ATF7IP2: variants seen among roughly 807,000 people sequenced by gnomAD.
The protein encoded by ATF7IP2 is activating transcription factor 7 interacting protein 2.
Under a neutral mutation model 64.2 loss-of-function variants are expected in ATF7IP2, and 42 were observed. That is an observed-to-expected ratio of 0.65 (90% CI 0.51 to 0.85). ATF7IP2 has a LOEUF of 0.85. Among genes scored for constraint, ATF7IP2 ranks in the 40% least tolerant of loss-of-function variants. The pLI, the probability that ATF7IP2 is intolerant of heterozygous loss-of-function variation, is 0.00. For missense variants in ATF7IP2, 933 were observed against 784.2 expected (o/e 1.19, Z -2.27); for synonymous variants, 308 against 272.8 (o/e 1.13, Z -1.27).
At chr16:10,444,656 C>A (rs368419873) in intron 8 of ATF7IP2, among the ~76,000 whole-genome samples, 4 of 152,130 alleles carry the variant, frequency 2.6e-5, no homozygotes, top group African/African-American at 9.7e-5. Flanking sequence ...TGGTCCAAGG[C>A]AATGAAGTTT....
intron 3 of ATF7IP2, among the ~76,000 whole-genome samples, chr16:10,421,402 A>G (rs1382023179): frequency 2.0e-5 from 3 of 152,318 alleles, no homozygotes; most frequent in South Asian, 2.1e-4. Flanking sequence ...GCTGAGGGCT[A>G]TTGCGACTAG....
chr16:10,431,264 G>C lies in ATF7IP2; in HGVS notation c.644G>C (p.Ser215Thr), dbSNP rs371521210. Residue 215 changes from serine (S) to threonine (T), a missense_variant, in exon 5 of 14, where the codon AGT becomes ACT. Coordinates refer to ENST00000562102, the MANE Select transcript of ATF7IP2 (RefSeq NM_001393719.1). The stretch of plus-strand genomic sequence containing the variant: ...TCAGAATCACATGATAAAAGGCAAA[G>C]TGACAACATTTTATGTTCAGAAGAC... ...SNSESHDKRQ[S>T]DNILCSEDSG... The C allele has an allele frequency of 6.2e-7, 1 of 1,614,146 alleles. No homozygotes were observed. Among genetic ancestry groups the C allele is most frequent in the Non-Finnish European group, 8.5e-7 (1 of 1,180,020 alleles).
chr16:10,407,987 C>G (rs1449535627), intron 1 of ATF7IP2, among the ~76,000 whole-genome samples: 1 of 151,790 alleles, frequency 6.6e-6, no homozygotes, highest in African/African-American at 2.4e-5. Context: ...TCTTGGTTCA[C>G]TGCAACCTCT....
rs113701553 is a variant in ATF7IP2, at chr16:10,443,486, C to T, written c.1194+3024C>T. On this transcript the variant is annotated intron_variant, in intron 8 of 13. Transcript: ENST00000562102. ...CGGACAACCTGGGCCTCTGGCCTAC[C>T]GTGTGCACAAGCGTAACAACTGCTT... 7.1e-3 allele frequency among the ~76,000 whole-genome samples: 1,082 copies of T among 152,322 alleles called. 9 individuals carry two copies. The highest frequency in any genetic ancestry group is 0.024 in the African/African-American group (1,006 of 41,572).
chr16:10,413,479 A>G (rs2047812287), intron 1 of ATF7IP2, among the ~76,000 whole-genome samples: 2 of 152,102 alleles, frequency 1.3e-5, no homozygotes, highest in African/African-American at 4.8e-5. Context: ...TTTCTTCCCA[A>G]TCTCAGGTAT....
At chr16:10,400,606 G>T (rs1036571838) in intron 1 of ATF7IP2, among the ~76,000 whole-genome samples, 5 of 152,128 alleles carry the variant, frequency 3.3e-5, no homozygotes, top group African/African-American at 1.2e-4. Context: ...TCTTGATTTA[G>T]TATGATTTTG....
chr16:10,457,628 A>T, intron 9 of ATF7IP2, 99 bp downstream of exon 9: 1 of 887,614 alleles, frequency 1.1e-6, no homozygotes, highest in Non-Finnish European at 1.7e-6. Context: ...GATTATTCTT[A>T]ACATTCACTC....
intron 8 of ATF7IP2, among the ~76,000 whole-genome samples, chr16:10,442,069 C>A (rs2048643196): frequency 6.6e-6 from 1 of 152,160 alleles, no homozygotes; most frequent in South Asian, 2.1e-4. Flanking sequence ...TAAACTCATC[C>A]CAATTGACTA....
chr16:10,390,093 C>A (rs2047291884), intron 1 of ATF7IP2, among the ~76,000 whole-genome samples: 1 of 151,940 alleles, frequency 6.6e-6, no homozygotes, highest in African/African-American at 2.4e-5. Context: ...AAATTCAGTT[C>A]AGTAGTTTTT....
intron 3 of ATF7IP2, among the ~76,000 whole-genome samples, chr16:10,424,393 A>G (rs990402558): frequency 6.6e-6 from 1 of 152,236 alleles, no homozygotes; most frequent in Non-Finnish European, 1.5e-5. Context: ...AAAAACCTAA[A>G]TATAAGCACT....
intron 12 of ATF7IP2, among the ~76,000 whole-genome samples, chr16:10,480,665 G>A (rs752874901): frequency 2.7e-5 from 4 of 150,320 alleles, no homozygotes; most frequent in African/African-American, 9.8e-5. Context: ...TGTCTAAAGT[G>A]TTTACCTTAA....
At chr16:10,423,646 AG>A (rs941537547) in intron 3 of ATF7IP2, among the ~76,000 whole-genome samples, 3 of 152,158 alleles carry the variant, frequency 2.0e-5, no homozygotes, top group African/African-American at 7.2e-5. Context: ...CAAAATAATG[AG>A]GGGGTGCAGA....
chr16:10,422,270 T>G (rs2048001556), intron 3 of ATF7IP2, among the ~76,000 whole-genome samples: 1 of 152,202 alleles, frequency 6.6e-6, no homozygotes, highest in African/African-American at 2.4e-5. Flanking sequence ...ATGGCCACCA[T>G]CAAAAATGAT....
chr16:10,469,758 G>A (rs1028908653), intron 9 of ATF7IP2, among the ~76,000 whole-genome samples: 77 of 152,088 alleles, frequency 5.1e-4, no homozygotes, highest in Admixed American at 4.0e-3. Context: ...CCTGGGAAAC[G>A]AGCAAAACAC....
chr16:10,481,226 G>C (rs2050212386), intron 13 of ATF7IP2, among the ~76,000 whole-genome samples: 1 of 152,224 alleles, frequency 6.6e-6, no homozygotes, highest in African/African-American at 2.4e-5. Flanking sequence ...GGAAAAGGGT[G>C]TTCTCATATA....
intron 1 of ATF7IP2, among the ~76,000 whole-genome samples, chr16:10,410,608 G>A (rs758424773): frequency 1.3e-5 from 2 of 152,090 alleles, no homozygotes; most frequent in Non-Finnish European, 2.9e-5. Context: ...TATCGATTTG[G>A]ATGCCCTTTA....
At position 10,438,216 on chromosome 16, in the gene ATF7IP2, G is replaced by A. The variant is rs1370572992; in HGVS notation, c.1076G>A (p.Gly359Glu). The change falls in exon 7 of 14, where the codon GGA becomes GAA. Residue 359 changes from glycine (G) to glutamate (E), a missense_variant. By Grantham distance (98) the Gly-to-Glu change is moderately conservative. Coordinates refer to ENST00000562102, the MANE Select transcript of ATF7IP2 (RefSeq NM_001393719.1). ...GKTECRNKHE[G>E]IADKLLAKIA... The stretch of plus-strand genomic sequence containing the variant: ...ACAGAGTGCAGAAATAAGCATGAAG[G>A]AATAGCTGATAAACTTTTGGTAAGT... 1.3e-6 allele frequency: 2 copies of A among 1,596,012 alleles called. No homozygotes were observed. The highest frequency in any genetic ancestry group is 1.4e-5 in the African/African-American group (1 of 73,646).
rs963152490 is a variant in ATF7IP2 at position 10,483,237 on chromosome 16, C to A, written c.*988C>A. ...TGTATCTTATGAAAGCATTACCCAACCTGTTTGAGTTGAGAATGCATTTGT... is the reference window on the plus strand; with the variant it reads ...TGTATCTTATGAAAGCATTACCCAAACTGTTTGAGTTGAGAATGCATTTGT... On this transcript the variant is annotated 3_prime_UTR_variant, in exon 14 of 14. Coordinates refer to ENST00000562102, the MANE Select transcript of ATF7IP2 (RefSeq NM_001393719.1). 3.9e-5 allele frequency: 6 copies of A among 152,158 alleles called. No homozygotes were observed. Among genetic ancestry groups the A allele is most frequent in the African/African-American group, 7.2e-5 (3 of 41,438 alleles). 9.4% of individuals were successfully genotyped at this position (152,158 alleles called of 1,614,324 possible). A position where few individuals can be genotyped will look rare whatever the true frequency, so the allele number is the denominator to read the frequency against.
chr16:10,414,375 T>G (rs905242363), intron 1 of ATF7IP2, among the ~76,000 whole-genome samples, 199 bp from the exon 2 acceptor site: 4 of 152,106 alleles, frequency 2.6e-5, no homozygotes, highest in Non-Finnish European at 5.9e-5. Context: ...GCTGAGACTT[T>G]CTAGAGCATT....
Sources: allele counts gnomAD v4.1 joint callset (sites outside exome capture counted in the v4.1 genomes callset), GRCh38; gene constraint gnomAD v4.1.1; transcripts MANE v1.5; gene names NCBI Gene and HGNC (gene_info 2026-07-23, HGNC 2026-07-21).